FBN3: variants seen among roughly 807,000 people sequenced by gnomAD.
The protein encoded by FBN3 is fibrillin 3.
A neutral mutation model predicts 330.1 loss-of-function variants in FBN3; 234 were observed. The observed-to-expected ratio is 0.71, with a 90% CI of 0.64 to 0.79. The LOEUF is 0.79. Among genes scored for constraint, FBN3 ranks in the 30% least tolerant of loss-of-function variants. FBN3 has a pLI of 0.00. For missense variants in FBN3, 3,606 were observed against 3,886.9 expected (o/e 0.93, Z 1.92); for synonymous variants, 1,458 against 1,517.3 (o/e 0.96, Z 0.91).
chr19:8,105,343 G>C (rs569984509), intron 38 of FBN3, among the ~76,000 whole-genome samples: 33 of 145,476 alleles, frequency 2.3e-4, no homozygotes, highest in Non-Finnish European at 4.8e-4. Flanking sequence ...CTGCAGCCTC[G>C]ACTTCCGAGG....
chr19:8,143,999 G>A (rs2083477606), intron 6 of FBN3, among the ~76,000 whole-genome samples: 1 of 151,398 alleles, frequency 6.6e-6, no homozygotes, highest in Non-Finnish European at 1.5e-5. Context: ...AGAGAGGGGG[G>A]GTGTCTCACT....
intron 39 of FBN3, 45 bp downstream of exon 39, chr19:8,103,517 G>C: frequency 6.3e-7 from 1 of 1,595,784 alleles, no homozygotes; most frequent in Non-Finnish European, 8.6e-7. Context: ...ATGCCCAGGT[G>C]CTGCTTCTGT....
intron 13 of FBN3, 26 bp downstream of exon 13, chr19:8,135,935 T>TTGGGGGGGGGGGGGGGGGCGGC: frequency 2.2e-6 from 3 of 1,344,156 alleles, no homozygotes; most frequent in Non-Finnish European, 3.0e-6. Context: ...CGGAAGCCCC[T>TTGGGGGGGGGGGGGGGGGCGGC]GCCCACCCGC....
intron 63 of FBN3, among the ~76,000 whole-genome samples, chr19:8,068,351 G>T (rs996429505): frequency 1.3e-5 from 2 of 149,142 alleles, no homozygotes; most frequent in Non-Finnish European, 3.0e-5. Context: ...AGATCACGCT[G>T]CTGCACTCCA....
At position 8,125,994 on chromosome 19, in the gene FBN3, G is replaced by A. The variant is rs774038241; in HGVS notation, c.2629C>T (p.Pro877Ser). The A allele has an allele frequency of 6.2e-7, 1 of 1,613,924 alleles. No individual in the cohort carries two copies. The highest frequency in any genetic ancestry group is 8.5e-7 in the Non-Finnish European group (1 of 1,180,002). ...CAACGCCCGTTGGGACAGACTCCCG[G>A]GAAGGACTCACACTCGTTCACATCT... is the stretch of plus-strand genomic sequence containing the variant. Reference protein sequence around the residue: ...CDDVNECESFPGVCPNGRCVN... With the variant: ...CDDVNECESFSGVCPNGRCVN... Residue 877 changes from proline to serine, a missense_variant, in exon 22 of 64, where the codon CCG becomes TCG. Transcript: ENST00000600128.
intron 8 of FBN3, among the ~76,000 whole-genome samples, chr19:8,141,283 C>A (rs2083407726): frequency 6.8e-6 from 1 of 147,640 alleles, no homozygotes; most frequent in Admixed American, 6.9e-5. Flanking sequence ...AGGAGGATCT[C>A]TTGAACTGGG....
chr19:8,107,668 GA>G (rs1370850407), intron 37 of FBN3, among the ~76,000 whole-genome samples: 2 of 151,718 alleles, frequency 1.3e-5, no homozygotes, highest in East Asian at 3.9e-4. Context: ...AAGGATAAGA[GA>G]GGGATGAGTG....
intron 30 of FBN3, 145 bp from the exon 31 acceptor site, chr19:8,112,244 C>G: frequency 1.3e-6 from 1 of 787,996 alleles, no homozygotes; most frequent in Non-Finnish European, 2.0e-6. Flanking sequence ...GAGCTTCCAT[C>G]TTTACCCAGA....
chr19:8,133,527 T>G (rs2083201784), intron 13 of FBN3, among the ~76,000 whole-genome samples: 1 of 152,270 alleles, frequency 6.6e-6, no homozygotes, highest in African/African-American at 2.4e-5. Flanking sequence ...CTCAGCTCCC[T>G]GCAACCTCCG....
chr19:8,093,156 G>T (rs1479644041), intron 47 of FBN3, among the ~76,000 whole-genome samples: 5 of 152,106 alleles, frequency 3.3e-5, no homozygotes, highest in Non-Finnish European at 7.3e-5. Flanking sequence ...ACACCGGACA[G>T]GGTTAACTCA....
chr19:8,123,846 A>G lies in FBN3; in HGVS notation c.2894T>C (p.Leu965Pro), dbSNP rs780640474. 1 of 1,612,886 alleles carries G rather than the reference A, an allele frequency of 6.2e-7. No homozygotes were observed. Among genetic ancestry groups the G allele is most frequent in the Non-Finnish European group, 8.5e-7 (1 of 1,179,938 alleles). ...GGCGAAGCCCAGCCCCCGCGGGCAC[A>G]GGCTGGCGAACTCCAGAGACTCGGG... ...PDPESLEFAS[L>P]CPRGLGFASR... Residue 965 changes from leucine (L) to proline (P), a missense_variant, in exon 23 of 64, where the codon CTG (leucine) becomes CCG (proline). Physicochemically the swap from Leu to Pro is moderately conservative, Grantham distance 98. Coordinates refer to ENST00000600128, the MANE Select transcript of FBN3 (RefSeq NM_032447.5).
rs1304537661 is a variant in FBN3 at position 8,129,448 on chromosome 19, G to C, written c.2045-83C>G. ...AGGAGGGTGTGTCGCGGCGCACCAG[G>C]GGTCTCTAGAAGTCAGATTCCCCAA... On this transcript the variant is annotated intron_variant, in intron 16 of 63. Coordinates refer to ENST00000600128, the MANE Select transcript of FBN3 (RefSeq NM_032447.5). This position sits in a 1 kb window ranked among gnomAD's most constrained non-coding sequence, Gnocchi z 4.5. 1 of 1,553,368 alleles carries C rather than the reference G, an allele frequency of 6.4e-7. No homozygotes were observed. The highest frequency in any genetic ancestry group is 1.4e-5 in the African/African-American group (1 of 73,858).
chr19:8,073,347 C>A, intron 61 of FBN3, 50 bp from the exon 62 acceptor site: 1 of 1,450,574 alleles, frequency 6.9e-7, no homozygotes, highest in Non-Finnish European at 9.6e-7. Context: ...TGGGGCAGTG[C>A]AGCCTTCACA....
In FBN3 at chr19:8,075,172, C is replaced by T; in HGVS notation, c.7601G>A (p.Gly2534Glu). The change falls in exon 61 of 64, where the codon GGG becomes GAG. Residue 2534 changes from glycine (G) to glutamate (E), a missense_variant. Gly to Glu is a moderately conservative substitution (Grantham distance 98). Transcript: ENST00000600128. ...ACAGCCATGCTGGCAGCGGTGGGGC[C>T]CATCACATTCATTCACATCTGAGAC... is the stretch of plus-strand genomic sequence containing the variant. ...HGCEDVNECD[G>E]PHRCQHGCQN... 1 of 1,567,838 alleles carries T rather than the reference C, an allele frequency of 6.4e-7. No homozygotes were observed.
chr19:8,123,651 C>T, intron 23 of FBN3, 62 bp from the exon 24 acceptor site: 1 of 1,605,646 alleles, frequency 6.2e-7, no homozygotes, highest in South Asian at 1.1e-5. Context: ...TACACCAAGC[C>T]CTCCCTGGGT....
intron 63 of FBN3, among the ~76,000 whole-genome samples, chr19:8,070,041 A>C (rs1332874443): frequency 6.6e-6 from 1 of 152,244 alleles, no homozygotes; most frequent in African/African-American, 2.4e-5. Flanking sequence ...GGGTACCAAT[A>C]CAGTAGTAAA....
chr19:8,092,922 G>C (rs559978361), intron 47 of FBN3, among the ~76,000 whole-genome samples: 2 of 151,946 alleles, frequency 1.3e-5, no homozygotes, highest in Non-Finnish European at 2.9e-5. Flanking sequence ...GATGGGAGGG[G>C]GGTGAGGGAT....
In FBN3 at chr19:8,141,761, C is replaced by G; in HGVS notation, c.821G>C (p.Cys274Ser). The G allele has an allele frequency of 1.2e-6, 2 of 1,614,196 alleles. No homozygotes were observed. Among genetic ancestry groups the G allele is most frequent in the Non-Finnish European group, 1.7e-6 (2 of 1,180,016 alleles). The change falls in exon 8 of 64, where the codon TGT (cysteine) becomes TCT (serine). Residue 274 changes from cysteine (C) to serine (S), a missense_variant. Coordinates refer to ENST00000600128, the MANE Select transcript of FBN3 (RefSeq NM_032447.5). ...VNMVGSFHCRCPVGHRLSDSS... is the reference protein window; with the variant it reads ...VNMVGSFHCRSPVGHRLSDSS... ...GTCACTGAGCCGGTGTCCAACTGGA[C>G]AGCGGCAATGGAAGGAGCCCACCAT...
rs144961427 is a variant in FBN3, at chr19:8,118,183, TCAAA to T, written c.3338-598_3338-595del. On this transcript the variant is annotated intron_variant, in intron 26 of 63. Transcript: ENST00000600128. ...CAGAGGTACACCCACACAGACCCAC[TCAAA>T]CACATTCTCACACCCACTCACACAC... Among the ~76,000 whole-genome samples, 61 of 151,534 alleles carry T rather than the reference TCAAA, an allele frequency of 4.0e-4. No homozygotes were observed. In the East Asian group the frequency reaches 0.01, roughly 26 times the overall value.
Sources: gnomAD v4.1 joint callset for allele counts (sites outside exome capture counted in the v4.1 genomes callset) on GRCh38, gnomAD v4.1.1 for gene constraint, Gnocchi (gnomAD v3.1) non-coding constraint, MANE v1.5 for transcripts, NCBI Gene and HGNC (gene_info 2026-07-23, HGNC 2026-07-21) for gene names.